The following MAP4K3 variants were observed in gnomAD, a reference collection of about 807,000 sequenced individuals.
MAP4K3 encodes MAPK/ERK kinase kinase kinase 3.
Under a neutral mutation model 143.5 loss-of-function variants are expected in MAP4K3, and 94 were observed. That is an observed-to-expected ratio of 0.65 (90% CI 0.55 to 0.78). The LOEUF is 0.78. MAP4K3 is among the 30% of genes least tolerant of loss of function. The pLI is 0.00. For missense variants in MAP4K3, 1,077 were observed against 1,068.1 expected (o/e 1.01, Z -0.12); for synonymous variants, 416 against 347.2 (o/e 1.20, Z -2.20).
chr2:39,366,642 G>A (rs953282813), intron 2 of MAP4K3, among the ~76,000 whole-genome samples: 3 of 152,110 alleles, frequency 2.0e-5, no homozygotes, highest in Non-Finnish European at 4.4e-5. Flanking sequence ...GGAGGGGTTC[G>A]TTTAGATGGT....
intron 3 of MAP4K3, among the ~76,000 whole-genome samples, chr2:39,350,333 G>A (rs1052027941): frequency 1.3e-5 from 2 of 152,096 alleles, no homozygotes; most frequent in African/African-American, 4.8e-5. Context: ...TGTTAATATC[G>A]TAGTTGTGAA....
Position 39,436,955 on chromosome 2 carries a change from G to A in MAP4K3, c.33C>T (p.Asn11=), listed in dbSNP as rs780380187. 9.9e-6 allele frequency: 16 copies of A among 1,612,560 alleles called. No individual in the cohort carries two copies. Among genetic ancestry groups the A allele is most frequent in the Middle Eastern group, 3.3e-4 (2 of 6,072 alleles). The change falls in exon 1 of 34, where the codon AAC becomes AAT. Residue 11 remains asparagine (N), a synonymous_variant. Coordinates refer to ENST00000263881, the MANE Select transcript of MAP4K3 (RefSeq NM_003618.4). MNPGFDLSRR[N]PQEDFELIQR... is the part of the protein sequence containing the mutation. ...GAATCAGCTCGAAGTCCTCCTGCGG[G>A]TTCCGGCGGGACAAATCGAAGCCGG...
In MAP4K3 at chr2:39,250,606, G is replaced by A. The variant is rs1190004557; in HGVS notation, c.*12C>T. 6.2e-7 allele frequency: 1 copy of A among 1,610,354 alleles called. No homozygotes were observed. Among genetic ancestry groups the A allele is most frequent in the Non-Finnish European group, 8.5e-7 (1 of 1,177,082 alleles). ...TTTCTTTCTAGAGTTAACTGTCAAA[G>A]CACAACAATTCTCAGTAACTGTTTT... On this transcript the variant is annotated 3_prime_UTR_variant, in exon 34 of 34. Transcript: ENST00000263881.
intron 15 of MAP4K3, among the ~76,000 whole-genome samples, chr2:39,304,817 A>G (rs547050070): frequency 6.6e-6 from 1 of 152,338 alleles, no homozygotes; most frequent in Admixed American, 6.5e-5. Flanking sequence ...CTGTCCATCA[A>G]TGGATGAATG....
At chr2:39,309,087 T>C (rs186892246) in intron 14 of MAP4K3, among the ~76,000 whole-genome samples, 2 of 152,252 alleles carry the variant, frequency 1.3e-5, no homozygotes, top group East Asian at 3.9e-4. Context: ...AATTTGAGAA[T>C]TACTTACCTT....
At chr2:39,386,299 C>T (rs1429085646) in intron 1 of MAP4K3, among the ~76,000 whole-genome samples, 1 of 152,218 alleles carries the variant, frequency 6.6e-6, no homozygotes, top group South Asian at 2.1e-4. Flanking sequence ...GACTTCCAGC[C>T]TCCAGAACTA....
rs144854654 is a variant in MAP4K3, at chr2:39,313,812, C to A, written c.997+1498G>T. 6.8e-3 allele frequency among the ~76,000 whole-genome samples: 1,042 copies of A among 152,158 alleles called. 6 individuals carry two copies. Among genetic ancestry groups the A allele is most frequent in the Non-Finnish European group, 0.011 (763 of 68,010 alleles). Reference sequence around the variant, plus strand: ...TATAGGTGTGAGTCACTGTGCCCAGCCTAGACATCTAGTTTGAAATAGCAT... The same window carrying A: ...TATAGGTGTGAGTCACTGTGCCCAGACTAGACATCTAGTTTGAAATAGCAT... On this transcript the variant is annotated intron_variant, in intron 13 of 33. Coordinates refer to ENST00000263881, the MANE Select transcript of MAP4K3 (RefSeq NM_003618.4).
chr2:39,386,294 C>A (rs1268320916), intron 1 of MAP4K3, among the ~76,000 whole-genome samples: 1 of 152,212 alleles, frequency 6.6e-6, no homozygotes, highest in African/African-American at 2.4e-5. Flanking sequence ...CTTTGGACTT[C>A]CAGCCTCCAG....
intron 3 of MAP4K3, among the ~76,000 whole-genome samples, chr2:39,350,589 C>G (rs370636097): frequency 6.6e-6 from 1 of 152,146 alleles, no homozygotes; most frequent in Admixed American, 6.6e-5. Context: ...TGTTTCCCTT[C>G]TTAGCACTGT....
chr2:39,419,678 T>A (rs191162012), intron 1 of MAP4K3, among the ~76,000 whole-genome samples: 1 of 152,198 alleles, frequency 6.6e-6, no homozygotes, highest in African/African-American at 2.4e-5. Context: ...CCTAGTAGTA[T>A]TGGTGAATTA....
chr2:39,342,321 G>A (rs536571414), intron 4 of MAP4K3, among the ~76,000 whole-genome samples: 1 of 151,828 alleles, frequency 6.6e-6, no homozygotes, highest in African/African-American at 2.4e-5. Context: ...GTAGAGATGG[G>A]GTTTCACCAT....
intron 22 of MAP4K3, among the ~76,000 whole-genome samples, chr2:39,280,801 G>A (rs544095333): frequency 1.3e-5 from 2 of 152,192 alleles, no homozygotes; most frequent in African/African-American, 4.8e-5. Flanking sequence ...ATTACAAACT[G>A]AAACAGGTAT....
intron 23 of MAP4K3, 138 bp from the exon 24 acceptor site, chr2:39,278,624 G>C (rs1681377667): frequency 1.8e-6 from 1 of 558,820 alleles, no homozygotes; most frequent in East Asian, 3.0e-5. Context: ...TGAATACAAA[G>C]AGGTTAGACA....
chr2:39,415,335 T>C (rs369352797), intron 1 of MAP4K3, among the ~76,000 whole-genome samples: 4 of 152,214 alleles, frequency 2.6e-5, no homozygotes, highest in Admixed American at 1.3e-4. Flanking sequence ...ACTAAAATAA[T>C]GGGAATTCTC....
At position 39,280,281 on chromosome 2, in the gene MAP4K3, C is replaced by G; in HGVS notation, c.1705G>C (p.Asp569His). The G allele has an allele frequency of 1.3e-6, 2 of 1,571,846 alleles. No homozygotes were observed. The highest frequency in any genetic ancestry group is 1.7e-6 in the Non-Finnish European group (2 of 1,154,838). ...IHCASSWINPDTRDQYLIFGA... is the reference protein window; with the variant it reads ...IHCASSWINPHTRDQYLIFGA... ...AAACACACAATACTACCTCTTGTAT[C>G]TGGGTTTATCCATGATGATGCACAG... The change falls in exon 23 of 34, where the codon GAT becomes CAT. Residue 569 changes from aspartate (D) to histidine (H), a missense_variant. Transcript: ENST00000263881.
chr2:39,393,821 A>G (rs1158579305), intron 1 of MAP4K3, among the ~76,000 whole-genome samples: 1 of 152,156 alleles, frequency 6.6e-6, no homozygotes, highest in Non-Finnish European at 1.5e-5. Flanking sequence ...GTATATGAAA[A>G]GTCAGCCATA....
chr2:39,359,535 G>A (rs1298915488), intron 2 of MAP4K3, among the ~76,000 whole-genome samples: 1 of 152,262 alleles, frequency 6.6e-6, no homozygotes, highest in African/African-American at 2.4e-5. Context: ...AGTTCCACTA[G>A]GCAGTGCTGC....
chr2:39,401,637 A>C (rs372999823), intron 1 of MAP4K3, among the ~76,000 whole-genome samples: 108 of 152,114 alleles, frequency 7.1e-4, no homozygotes, highest in African/African-American at 2.4e-3. Flanking sequence ...CATCTCTACA[A>C]GAAAATACAA....
chr2:39,420,913 A>T (rs1051508919), intron 1 of MAP4K3, among the ~76,000 whole-genome samples: 1 of 152,062 alleles, frequency 6.6e-6, no homozygotes, highest in Non-Finnish European at 1.5e-5. Flanking sequence ...CACCTCAATC[A>T]ATCTGTCCAA....
Sources: gnomAD v4.1 joint callset for allele counts (sites outside exome capture counted in the v4.1 genomes callset) on GRCh38, gnomAD v4.1.1 for gene constraint, MANE v1.5 for transcripts, NCBI Gene and HGNC (gene_info 2026-07-23, HGNC 2026-07-21) for gene names.